Variants in CFAP91 observed in about 807,000 individuals in gnomAD.
CFAP91 encodes cilia and flagella associated protein 91.
Under a neutral mutation model 95.9 loss-of-function variants are expected in CFAP91, and 85 were observed. The ratio of observed to expected loss-of-function variants is 0.89; its 90% CI spans 0.74 to 1.06. The LOEUF (loss-of-function observed/expected upper bound fraction) is 1.06, where lower values mean the gene tolerates loss of function less well. Among genes scored for constraint, CFAP91 ranks in the 50% least tolerant of loss-of-function variants. The pLI is 0.00. For missense variants in CFAP91, 962 were observed against 943.4 expected (o/e 1.02, Z -0.26); for synonymous variants, 335 against 327.5 (o/e 1.02, Z -0.25).
chr3:119,706,769 A>G, intron 1 of CFAP91, 40 bp from the exon 2 acceptor site: 1 of 1,440,212 alleles, frequency 6.9e-7, no homozygotes, highest in Non-Finnish European at 9.8e-7. Flanking sequence ...AGGGGTAGAT[A>G]TGTTCTATCT....
intron 13 of CFAP91, among the ~76,000 whole-genome samples, chr3:119,741,740 C>G (rs1007724709): frequency 3.9e-5 from 6 of 152,200 alleles, no homozygotes; most frequent in African/African-American, 1.4e-4. Flanking sequence ...TATGACCCCC[C>G]CTTTAGCAAC....
chr3:119,737,511 C>A, intron 11 of CFAP91, 29 bp downstream of exon 11: 1 of 1,295,368 alleles, frequency 7.7e-7, no homozygotes, highest in Non-Finnish European at 1.1e-6. Context: ...AGTTGAAATG[C>A]TAAATTCAAT....
intron 11 of CFAP91, among the ~76,000 whole-genome samples, chr3:119,738,366 T>TTTTTTA (rs2054053086): frequency 8.2e-6 from 1 of 122,578 alleles, no homozygotes. Context: ...TTTTTTTTTT[T>TTTTTTA]GAGACAGAAT....
At chr3:119,748,745 C>T (rs2054270994) in intron 16 of CFAP91, among the ~76,000 whole-genome samples, 1 of 152,154 alleles carries the variant, frequency 6.6e-6, no homozygotes, top group African/African-American at 2.4e-5. Context: ...ATTTTTAAAC[C>T]AGTACCCCCT....
chr3:119,731,226 T>A (rs2053890462), intron 8 of CFAP91, among the ~76,000 whole-genome samples: 1 of 152,138 alleles, frequency 6.6e-6, no homozygotes, highest in African/African-American at 2.4e-5. Flanking sequence ...GACAGAGACC[T>A]TGTCTCAAAA....
intron 13 of CFAP91, among the ~76,000 whole-genome samples, chr3:119,742,163 G>A (rs1371287313): frequency 1.3e-5 from 2 of 152,322 alleles, no homozygotes; most frequent in Admixed American, 6.5e-5. Context: ...GGATATACAT[G>A]TGAGTGAAAT....
At chr3:119,736,587 CT>C (rs1485997333) in intron 10 of CFAP91, among the ~76,000 whole-genome samples, 1 of 152,076 alleles carries the variant, frequency 6.6e-6, no homozygotes, top group Non-Finnish European at 1.5e-5. Flanking sequence ...ATTCTACTTT[CT>C]TTTTATGGAT....
chr3:119,718,284 T>C (rs6763266), intron 6 of CFAP91, among the ~76,000 whole-genome samples: 61,157 of 151,910 alleles, frequency 0.4, 12,521 homozygotes, highest in Non-Finnish European at 0.44. Context: ...AAAGAACCAG[T>C]TGGAATCAAG....
chr3:119,706,636 T>G (rs2053369179), intron 1 of CFAP91, 173 bp from the exon 2 acceptor site: 1 of 559,992 alleles, frequency 1.8e-6, no homozygotes. Context: ...CTGGTAGAAG[T>G]GGTAGAGTAA....
chr3:119,715,600 A>C lies in CFAP91; in HGVS notation c.539A>C (p.His180Pro), dbSNP rs1055729842. ...PYTFPPTSTK[H>P]LSIPSKSTVG... ...ACTTTTCCTCCTACTTCTACTAAGC[A>C]CCTATCCATCCCTTCAAAGTCTACT... The change falls in exon 6 of 18, where the codon CAC (histidine) becomes CCC (proline). Residue 180 changes from histidine to proline, a missense_variant. Coordinates refer to ENST00000273390, the MANE Select transcript of CFAP91 (RefSeq NM_033364.4). 7 of 1,613,980 alleles carry C rather than the reference A, an allele frequency of 4.3e-6. No individual in the cohort carries two copies. Among genetic ancestry groups the C allele is most frequent in the East Asian group, 2.2e-5 (1 of 44,898 alleles).
At chr3:119,713,747 T>A (rs1278319823) in intron 5 of CFAP91, among the ~76,000 whole-genome samples, 2 of 152,170 alleles carry the variant, frequency 1.3e-5, no homozygotes, top group Non-Finnish European at 2.9e-5. Flanking sequence ...CATCTAGGTA[T>A]TTTTGTATGC....
intron 17 of CFAP91, among the ~76,000 whole-genome samples, chr3:119,758,610 A>G (rs2054476962): frequency 6.6e-6 from 1 of 152,184 alleles, no homozygotes; most frequent in Non-Finnish European, 1.5e-5. Flanking sequence ...TGACCTGCTA[A>G]AAAGAAAATA....
chr3:119,754,797 A>G (rs1414175792), intron 17 of CFAP91, among the ~76,000 whole-genome samples: 1 of 152,240 alleles, frequency 6.6e-6, no homozygotes, highest in Non-Finnish European at 1.5e-5. Flanking sequence ...GCAGAGCTAC[A>G]GGGACAGGAC....
At chr3:119,744,893 G>A (rs2054192888) in intron 14 of CFAP91, among the ~76,000 whole-genome samples, 1 of 152,084 alleles carries the variant, frequency 6.6e-6, no homozygotes, top group African/African-American at 2.4e-5. Flanking sequence ...AGAAATTATT[G>A]GCAAATCAGA....
At chr3:119,738,462 C>T (rs556267132) in intron 11 of CFAP91, among the ~76,000 whole-genome samples, 167 of 146,302 alleles carry the variant, frequency 1.1e-3, no homozygotes, top group Admixed American at 1.7e-3. Context: ...GATTCTCCTG[C>T]GTCAGCCTTA....
chr3:119,758,323 C>CT (rs1174693306), intron 17 of CFAP91, among the ~76,000 whole-genome samples: 6 of 152,194 alleles, frequency 3.9e-5, no homozygotes, highest in Non-Finnish European at 7.3e-5. Flanking sequence ...GCAAAACTTA[C>CT]ATGCAGAGCT....
chr3:119,748,795 T>A (rs1311105917), intron 16 of CFAP91, among the ~76,000 whole-genome samples: 2 of 152,220 alleles, frequency 1.3e-5, no homozygotes, highest in Non-Finnish European at 2.9e-5. Context: ...TGTTTTCCTG[T>A]TACTAACAGT....
chr3:119,703,296 G>A (rs1420847568), intron 1 of CFAP91, 74 bp downstream of exon 1: 1 of 1,580,840 alleles, frequency 6.3e-7, no homozygotes, highest in South Asian at 1.1e-5. Context: ...GGTGGGACCT[G>A]GCCAGGGGCA....
At position 119,733,345 on chromosome 3, in the gene CFAP91, A is replaced by G. The variant is rs199758433; in HGVS notation, c.1202-19A>G. The G allele has an allele frequency of 7.5e-5, 121 of 1,612,424 alleles. No homozygotes were observed. Among genetic ancestry groups the G allele is most frequent in the Non-Finnish European group, 1.0e-4 (118 of 1,179,410 alleles). On this transcript the variant is annotated intron_variant, in intron 9 of 17. Transcript: ENST00000273390. ...AACGTAAGCACTGGATACTAAAAAC[A>G]TGTGCTTCCTTCCCATAGGATTAGT... is the stretch of plus-strand genomic sequence containing the variant.
Sources: allele counts gnomAD v4.1 joint callset (sites outside exome capture counted in the v4.1 genomes callset), GRCh38; gene constraint gnomAD v4.1.1; transcripts MANE v1.5; gene names NCBI Gene and HGNC (gene_info 2026-07-23, HGNC 2026-07-21).